The following DNAH12 variants were observed in gnomAD, a reference collection of about 807,000 sequenced individuals.
The protein encoded by DNAH12 is axonemal beta dynein heavy chain 12.
A neutral mutation model predicts 371.5 loss-of-function variants in DNAH12; 285 were observed. The ratio of observed to expected loss-of-function variants is 0.77; its 90% CI spans 0.70 to 0.85. The LOEUF is 0.85. Ranked by LOEUF, DNAH12 falls within the 40% of genes least tolerant of loss-of-function variation. The pLI, the probability that DNAH12 is intolerant of heterozygous loss-of-function variation, is 0.00. For missense variants in DNAH12, 3,611 were observed against 3,689.4 expected (o/e 0.98, Z 0.55); for synonymous variants, 1,200 against 1,213.0 (o/e 0.99, Z 0.22).
chr3:57,413,613 G>A (rs976449903), intron 39 of DNAH12, 133 bp downstream of exon 39: 13 of 959,244 alleles, frequency 1.4e-5, no homozygotes, highest in Non-Finnish European at 1.8e-5. Flanking sequence ...TATTAGAGAG[G>A]CTTCATGTAT....
chr3:57,339,220 C>A (rs1282297420), intron 60 of DNAH12, among the ~76,000 whole-genome samples: 4 of 152,032 alleles, frequency 2.6e-5, no homozygotes, highest in African/African-American at 9.7e-5. Context: ...ATCTCAAGTA[C>A]CCAGGGACAC....
At chr3:57,542,430 T>C (rs1029687634) in intron 2 of DNAH12, among the ~76,000 whole-genome samples, 8 of 152,122 alleles carry the variant, frequency 5.3e-5, no homozygotes, top group African/African-American at 1.9e-4. Flanking sequence ...TCTCTATACC[T>C]CAGTATACTC....
intron 2 of DNAH12, among the ~76,000 whole-genome samples, chr3:57,537,423 C>T (rs2069092113): frequency 6.6e-6 from 1 of 152,014 alleles, no homozygotes; most frequent in Admixed American, 6.6e-5. Context: ...CTGGCTCAGC[C>T]AAGCATTCCC....
chr3:57,373,362 C>CT (rs1259470242), intron 55 of DNAH12, among the ~76,000 whole-genome samples: 1 of 150,718 alleles, frequency 6.6e-6, no homozygotes, highest in East Asian at 1.9e-4. Context: ...GTCACCCCAG[C>CT]TGGAGTGCAG....
At chr3:57,294,059 G>T (rs1404299439) in intron 73 of DNAH12, 88 bp from the exon 74 acceptor site, 3 of 1,156,348 alleles carry the variant, frequency 2.6e-6, no homozygotes, top group Non-Finnish European at 3.5e-6. Context: ...TAATAAAATG[G>T]CCAGAACTAA....
At chr3:57,493,776 C>T (rs1264905916) in intron 11 of DNAH12, 1 of 80,836 alleles carries the variant, frequency 1.2e-5, no homozygotes, top group South Asian at 3.3e-4. Flanking sequence ...CTTGACCAGT[C>T]AAAAAAAAAA....
chr3:57,395,798 A>C (rs984783135), intron 43 of DNAH12, among the ~76,000 whole-genome samples: 7 of 151,836 alleles, frequency 4.6e-5, no homozygotes, highest in Non-Finnish European at 1.0e-4. Context: ...AAAAAAAATA[A>C]AAATTAGCTG....
At chr3:57,352,980 G>A (rs150271748) in intron 59 of DNAH12, among the ~76,000 whole-genome samples, 3 of 151,940 alleles carry the variant, frequency 2.0e-5, no homozygotes, top group East Asian at 1.9e-4. Context: ...TCCCAGCTAC[G>A]AGGGAGGCTG....
rs536966011 is a variant in DNAH12 at position 57,417,249 on chromosome 3, T to TA, written c.5715-1686dup. 1.2e-3 allele frequency among the ~76,000 whole-genome samples: 187 copies of TA among 151,390 alleles called. 5 individuals are homozygous for TA. In the South Asian group the frequency reaches 0.038, roughly 30 times the overall value. ...TAGGCAAGAAGAGTGAAACACCTTC[T>TA]AAAAAAAAATTTAAAAAAAGACAAA... On this transcript the variant is annotated intron_variant, in intron 37 of 73. Coordinates refer to ENST00000495027, the MANE Select transcript of DNAH12 (RefSeq NM_001366028.2).
rs1400938878 is a variant in DNAH12, at chr3:57,393,656, G to GAAAGAA, written c.7110+509_7110+514dup. Among the ~76,000 whole-genome samples the GAAAGAA allele has an allele frequency of 1.2e-4, 14 of 119,542 alleles. 1 individual carries two copies. The South Asian group carries it at 3.5e-3, about 29-fold the overall frequency. 78.4% of individuals were successfully genotyped at this position (119,542 alleles called of 152,430 possible). A position where few individuals can be genotyped will look rare whatever the true frequency, so the allele number is the denominator to read the frequency against. On this transcript the variant is annotated intron_variant, in intron 44 of 73. Coordinates refer to ENST00000495027, the MANE Select transcript of DNAH12 (RefSeq NM_001366028.2). ...AAAAAAAAAAAAAAAAAAAAAGAAA[G>GAAAGAA]AAAGAAAAAGAAAAAGAAAAAGAAA...
rs1476808891 is a variant in DNAH12, at chr3:57,501,403, T to C, written c.1253A>G (p.Tyr418Cys). Residue 418 changes from tyrosine (Y) to cysteine (C), a missense_variant, in exon 11 of 74, where the codon TAT becomes TGT. Transcript: ENST00000495027. ...RKHYETYVEK[Y>C]NWLLDGTAVE... ...TGCAGTCCCATCAAGGAGCCAATTATATTTTTCAACTGAAAATTAATAATC... is the reference window on the plus strand; with the variant it reads ...TGCAGTCCCATCAAGGAGCCAATTACATTTTTCAACTGAAAATTAATAATC... 1 of 1,584,156 alleles carries C rather than the reference T, an allele frequency of 6.3e-7. No homozygotes were observed. Among genetic ancestry groups the C allele is most frequent in the Non-Finnish European group, 8.5e-7 (1 of 1,172,016 alleles).
chr3:57,415,789 C>CT (rs11326189), intron 37 of DNAH12, among the ~76,000 whole-genome samples: 2,746 of 119,348 alleles, frequency 0.023, 41 homozygotes, highest in Non-Finnish European at 0.026. Context: ...ATTTTTTATT[C>CT]TTTTTTTTTT....
chr3:57,534,815 C>T (rs752896886), intron 2 of DNAH12, among the ~76,000 whole-genome samples: 1 of 152,090 alleles, frequency 6.6e-6, no homozygotes, highest in East Asian at 1.9e-4. Flanking sequence ...GGCCAGTTAG[C>T]TCATATTCTT....
rs542189066 is a variant in DNAH12, at chr3:57,471,880, T to C, written c.1777-274A>G. ...GGATAATAATAAAATTACCATTTAT[T>C]GAGCATGTGCCATGTATCAAGAACT... On this transcript the variant is annotated intron_variant, in intron 14 of 73. Transcript: ENST00000495027. Among the ~76,000 whole-genome samples, 3 of 152,338 alleles carry C rather than the reference T, an allele frequency of 2.0e-5. No homozygotes were observed. The South Asian group carries it at 6.2e-4, about 32-fold the overall frequency.
rs375830799 is a variant in DNAH12, at chr3:57,419,869, C to T, written c.5563-351G>A. ...TAACACTCCAATATTCCCCAAATGC[C>T]TTCAAGATGTCCTTTTGCATACATT... On this transcript the variant is annotated intron_variant, in intron 36 of 73. Transcript: ENST00000495027. 1.5e-4 allele frequency among the ~76,000 whole-genome samples: 23 copies of T among 152,220 alleles called. No homozygotes were observed. The East Asian group carries it at 2.1e-3, about 14-fold the overall frequency.
chr3:57,387,409 A>G lies in DNAH12; in HGVS notation c.7306-190T>C, dbSNP rs1434060836. Among the ~76,000 whole-genome samples, 6 of 152,332 alleles carry G rather than the reference A, an allele frequency of 3.9e-5. No homozygotes were observed. In the South Asian group the frequency reaches 8.3e-4, roughly 21 times the overall value. On this transcript the variant is annotated intron_variant, in intron 45 of 73. Transcript: ENST00000495027. ...GGTCTCTGAAAGACCTAATATTCTT[A>G]TATATTAAAATGAAAAAAGGATAAT...
chr3:57,542,734 G>T lies in DNAH12; in HGVS notation c.137C>A (p.Ser46Tyr), dbSNP rs1430424514. 6.2e-7 allele frequency: 1 copy of T among 1,605,964 alleles called. No homozygotes were observed. Among genetic ancestry groups the T allele is most frequent in the East Asian group, 2.2e-5 (1 of 44,720 alleles). ...ATTAATTTTCTGCTGCTGCTCCTTG[G>T]ATCTTCTGTATTTTAGCAGCTTACT... ...TQSKLLKYRR[S>Y]KEQQQKINQL... The change falls in exon 2 of 74, where the codon TCC (serine) becomes TAC (tyrosine). Residue 46 changes from serine (S) to tyrosine (Y), a missense_variant. Ser to Tyr is a moderately radical substitution (Grantham distance 144). Coordinates refer to ENST00000495027, the MANE Select transcript of DNAH12 (RefSeq NM_001366028.2).
intron 46 of DNAH12, among the ~76,000 whole-genome samples, chr3:57,386,864 T>C (rs1386582001): frequency 6.6e-6 from 1 of 152,152 alleles, no homozygotes; most frequent in African/African-American, 2.4e-5. Context: ...TCAACAAATA[T>C]GTCTAATAAA....
At chr3:57,500,369 G>A (rs1057310855) in intron 11 of DNAH12, among the ~76,000 whole-genome samples, 3 of 152,026 alleles carry the variant, frequency 2.0e-5, no homozygotes, top group Non-Finnish European at 4.4e-5. Flanking sequence ...ACTCAGATCC[G>A]AATAGATTAC....
Sources: gnomAD v4.1 joint callset for allele counts (sites outside exome capture counted in the v4.1 genomes callset) on GRCh38, gnomAD v4.1.1 for gene constraint, MANE v1.5 for transcripts, NCBI Gene and HGNC (gene_info 2026-07-23, HGNC 2026-07-21) for gene names.